ZNF496: variants seen among roughly 807,000 people sequenced by gnomAD.
ZNF496 encodes NSD1 (nuclear receptor binding SET-domain containing 1)-interacting zinc finger protein 1.
In ZNF496, 11 loss-of-function variants were observed where a neutral mutation model predicts 58.9. The observed-to-expected ratio is 0.19, with a 90% confidence interval of 0.12 to 0.31. The LOEUF (loss-of-function observed/expected upper bound fraction) is 0.31, where lower values mean the gene tolerates loss of function less well. ZNF496 is among the 10% of genes least tolerant of loss of function. ZNF496 has a pLI of 1.00. For missense variants in ZNF496, 660 were observed against 783.0 expected (o/e 0.84, Z 1.88); for synonymous variants, 338 against 318.2 (o/e 1.06, Z -0.66).
At position 247,326,049 on chromosome 1, in the gene ZNF496, TACACACACACACACATATATAC is replaced by T. The variant is rs1359179916; in HGVS notation, c.574+2612_574+2633del. Among the ~76,000 whole-genome samples the T allele has an allele frequency of 3.6e-3, 342 of 95,346 alleles. 4 individuals are homozygous for T. Among genetic ancestry groups the T allele is most frequent in the African/African-American group, 0.012 (334 of 28,060 alleles). The allele number at this position is 95,346 out of a possible 152,430, so 62.6% of individuals were successfully genotyped here. A position where few individuals can be genotyped will look rare whatever the true frequency, so the allele number is the denominator to read the frequency against. The stretch of plus-strand genomic sequence containing the variant: ...ATATATACACACGCATATATATATA[TACACACACACACACATATATAC>T]ACACACACACACATATATACACACA... On this transcript the variant is annotated intron_variant, in intron 5 of 9. Transcript: ENST00000682384.
intron 6 of ZNF496, chr1:247,312,541 C>G (rs547112676): frequency 1.3e-5 from 2 of 152,122 alleles, no homozygotes; most frequent in African/African-American, 4.8e-5. Flanking sequence ...GCTGGCAGAT[C>G]ACCTGAGGTC....
At chr1:247,324,066 C>T (rs1472019227) in intron 5 of ZNF496, among the ~76,000 whole-genome samples, 3 of 134,952 alleles carry the variant, frequency 2.2e-5, no homozygotes, top group Non-Finnish European at 4.6e-5. Flanking sequence ...CAGAACATGG[C>T]TCTGTCTCAA....
At position 247,303,387 on chromosome 1, in the gene ZNF496, C is replaced by T. The variant is rs188660382; in HGVS notation, c.1007-2111G>A. 2.1e-3 allele frequency among the ~76,000 whole-genome samples: 323 copies of T among 152,356 alleles called. 1 individual carries two copies. Among genetic ancestry groups the T allele is most frequent in the African/African-American group, 4.6e-3 (191 of 41,586 alleles). On this transcript the variant is annotated intron_variant, in intron 9 of 9. Transcript: ENST00000682384. Reference sequence around the variant, plus strand: ...TGTTATGGTAGCCACAGTAGACTAACATAGACTTTGGCACCAGGAAGTAGG... The same window carrying T: ...TGTTATGGTAGCCACAGTAGACTAATATAGACTTTGGCACCAGGAAGTAGG...
At chr1:247,319,917 C>T (rs199818538) in intron 6 of ZNF496, among the ~76,000 whole-genome samples, 8 of 152,008 alleles carry the variant, frequency 5.3e-5, no homozygotes, top group African/African-American at 1.2e-4. Context: ...AGTGAGACTC[C>T]GCCTCAAACA....
chr1:247,318,123 G>A (rs950096455), intron 6 of ZNF496, among the ~76,000 whole-genome samples: 4 of 152,198 alleles, frequency 2.6e-5, no homozygotes, highest in Admixed American at 2.0e-4. Context: ...CAGCTGAGGA[G>A]GGGACAGAAG....
Position 247,309,818 on chromosome 1 carries a change from A to G in ZNF496, c.785-12T>C. On this transcript the variant is annotated splice_polypyrimidine_tract_variant and intron_variant, in intron 7 of 9. Coordinates refer to ENST00000682384, the MANE Select transcript of ZNF496 (RefSeq NM_032752.3). The surrounding 1 kb of genome is among the most constrained non-coding windows in gnomAD (Gnocchi z 4.3). ...GGCAGCTAGGTCGTCTGTTCAAAGAAAAAGGCAGGGTACATGTTTATTAGT... is the reference window on the plus strand; with the variant it reads ...GGCAGCTAGGTCGTCTGTTCAAAGAGAAAGGCAGGGTACATGTTTATTAGT... 6.2e-7 allele frequency: 1 copy of G among 1,613,958 alleles called. No homozygotes were observed.
intron 5 of ZNF496, among the ~76,000 whole-genome samples, chr1:247,327,676 T>C (rs116727378): frequency 6.6e-6 from 1 of 152,364 alleles, no homozygotes; most frequent in African/African-American, 2.4e-5. Flanking sequence ...TTTGGTTTTA[T>C]TACTGAAAAG....
At chr1:247,315,716 T>C (rs1659746569) in intron 6 of ZNF496, among the ~76,000 whole-genome samples, 3 of 152,198 alleles carry the variant, frequency 2.0e-5, no homozygotes, top group African/African-American at 7.2e-5. Flanking sequence ...GTTCTTGCCA[T>C]CTTCCCTAAC....
intron 4 of ZNF496, 96 bp from the exon 5 acceptor site, chr1:247,328,962 C>T (rs1025350010): frequency 8.2e-6 from 12 of 1,470,984 alleles, no homozygotes; most frequent in Non-Finnish European, 8.2e-6. Flanking sequence ...CCATCAAAGG[C>T]TCAACTTAGG....
chr1:247,329,694 G>T lies in ZNF496; in HGVS notation c.-37-79C>A. On this transcript the variant is annotated intron_variant, in intron 3 of 9. Transcript: ENST00000682384. The surrounding 1 kb of genome is among the most constrained non-coding windows in gnomAD (Gnocchi z 5.5). ...TCTGGGGGACAGTGACAAGGAAACT[G>T]TCAATGCCCTCAGAGACCAGCCCTT... The T allele has an allele frequency of 7.4e-7, 1 of 1,351,040 alleles. No homozygotes were observed. Among genetic ancestry groups the T allele is most frequent in the Non-Finnish European group, 1.0e-6 (1 of 1,000,040 alleles). 83.7% of individuals were successfully genotyped at this position (1,351,040 alleles called of 1,614,324 possible).
chr1:247,320,597 A>G (rs1048460935), intron 6 of ZNF496, among the ~76,000 whole-genome samples: 27 of 152,304 alleles, frequency 1.8e-4, no homozygotes, highest in Middle Eastern at 3.4e-3. Context: ...ACATTGTACT[A>G]TATTTATAGA....
At chr1:247,322,637 T>G in intron 6 of ZNF496, 1 of 1,136,098 alleles carries the variant, frequency 8.8e-7, no homozygotes, top group Non-Finnish European at 1.2e-6. Context: ...AGCACCCGAG[T>G]AAGCAAGTCT....
At position 247,308,497 on chromosome 1, in the gene ZNF496, C is replaced by T. The variant is rs750453410; in HGVS notation, c.984G>A (p.Val328=). 9.3e-6 allele frequency: 15 copies of T among 1,614,148 alleles called. No homozygotes were observed. In the South Asian group the frequency reaches 1.5e-4, roughly 17 times the overall value. ...VPEFQACPQT[V]VPQNTYPAGG... is the part of the protein sequence containing the mutation. Reference sequence around the variant, plus strand: ...TACCTGGGTAGGTGTTTTGAGGCACCACCGTCTGTGGGCAGGCCTGGAACT... The same window carrying T: ...TACCTGGGTAGGTGTTTTGAGGCACTACCGTCTGTGGGCAGGCCTGGAACT... The change falls in exon 9 of 10, where the codon GTG becomes GTA. Residue 328 remains valine, a synonymous_variant. Coordinates refer to ENST00000682384, the MANE Select transcript of ZNF496 (RefSeq NM_032752.3). The surrounding 1 kb of genome is among the most constrained non-coding windows in gnomAD (Gnocchi z 4.5).
At position 247,308,562 on chromosome 1, in the gene ZNF496, C is replaced by T. The variant is rs563974790; in HGVS notation, c.919G>A (p.Val307Ile). 35 of 1,614,116 alleles carry T rather than the reference C, an allele frequency of 2.2e-5. No homozygotes were observed. In the South Asian group the frequency reaches 2.5e-4, roughly 12 times the overall value. Residue 307 changes from valine (V) to isoleucine (I), a missense_variant, in exon 9 of 10, where the codon GTA becomes ATA. Transcript: ENST00000682384. The surrounding 1 kb of genome is among the most constrained non-coding windows in gnomAD (Gnocchi z 4.5). ...TCCTCACGTTTCCTTCTTTCTTCTA[C>T]CTGGAATGGCTGGAGACTTGGAGAG... ...LDSPSLQPFQ[V>I]EERRKREELQ... is the part of the protein sequence containing the mutation.
chr1:247,331,833 C>T lies in ZNF496; in HGVS notation c.-413G>A, dbSNP rs1427657383. Reference sequence around the variant, plus strand: ...TTGGCGGGCGGCGCAGGCCTGGCCGCCGCGGGAGCCCGCCGGACGCCGAGG... The same window carrying T: ...TTGGCGGGCGGCGCAGGCCTGGCCGTCGCGGGAGCCCGCCGGACGCCGAGG... On this transcript the variant is annotated 5_prime_UTR_variant, in exon 1 of 10. Transcript: ENST00000682384. The T allele has an allele frequency of 2.0e-5, 3 of 148,966 alleles. No homozygotes were observed. The highest frequency in any genetic ancestry group is 2.1e-4 in the South Asian group (1 of 4,798). The allele number at this position is 148,966 out of a possible 1,614,324, so 9.2% of individuals were successfully genotyped here.
At chr1:247,310,303 T>C in intron 7 of ZNF496, 21 bp downstream of exon 7, 1 of 1,613,848 alleles carries the variant, frequency 6.2e-7, no homozygotes. Context: ...TCTTGAGGTG[T>C]GGGGGGAAGT....
chr1:247,301,623 A>C (rs1340061811), intron 9 of ZNF496, among the ~76,000 whole-genome samples: 4 of 152,084 alleles, frequency 2.6e-5, no homozygotes, highest in African/African-American at 4.8e-5. Flanking sequence ...TAAAGCCTTG[A>C]CCATTTACAG....
Position 247,300,413 on chromosome 1 carries a change from G to C in ZNF496, c.*106C>G. On this transcript the variant is annotated 3_prime_UTR_variant, in exon 10 of 10. Coordinates refer to ENST00000682384, the MANE Select transcript of ZNF496 (RefSeq NM_032752.3). This position sits in a 1 kb window ranked among gnomAD's most constrained non-coding sequence, Gnocchi z 5.7. ...ACCTGAGAGCAAGGACAGGAGGGAG[G>C]TGTGCTCTCTATCCTGGGGAAGGTA... 1.6e-6 allele frequency: 2 copies of C among 1,245,784 alleles called. No homozygotes were observed. The highest frequency in any genetic ancestry group is 2.2e-6 in the Non-Finnish European group (2 of 917,110). 77.2% of individuals were successfully genotyped at this position (1,245,784 alleles called of 1,614,324 possible).
chr1:247,308,123 G>A lies in ZNF496; in HGVS notation c.1006+352C>T, dbSNP rs1488555991. 1.5e-6 allele frequency: 1 copy of A among 668,552 alleles called. No homozygotes were observed. Among genetic ancestry groups the A allele is most frequent in the Admixed American group, 6.3e-5 (1 of 15,900 alleles). The allele number at this position is 668,552 out of a possible 1,614,324, so 41.4% of individuals were successfully genotyped here. On this transcript the variant is annotated intron_variant, in intron 9 of 9. Transcript: ENST00000682384. This position sits in a 1 kb window ranked among gnomAD's most constrained non-coding sequence, Gnocchi z 4.5. Reference sequence around the variant, plus strand: ...CCGGCCCCTGGGAAAGGCAAGGAGGGTGAGCCTGGGATTGGGAGTGAGCTG... The same window carrying A: ...CCGGCCCCTGGGAAAGGCAAGGAGGATGAGCCTGGGATTGGGAGTGAGCTG...
Sources: gnomAD v4.1 joint callset for allele counts (sites outside exome capture counted in the v4.1 genomes callset) on GRCh38, gnomAD v4.1.1 for gene constraint, Gnocchi (gnomAD v3.1) non-coding constraint, MANE v1.5 for transcripts, NCBI Gene and HGNC (gene_info 2026-07-23, HGNC 2026-07-21) for gene names.